MMP26: variants seen among roughly 807,000 people sequenced by gnomAD.
MMP26 encodes the protein matrix metallopeptidase 26.
A neutral mutation model predicts 31.0 loss-of-function variants in MMP26; 33 were observed. The observed-to-expected ratio is 1.06, with a 90% confidence interval of 0.81 to 1.42. The LOEUF is 1.42. Among genes scored for constraint, MMP26 ranks in the 40% most tolerant of loss-of-function variants. The pLI is 0.00. For missense variants in MMP26, 347 were observed against 316.1 expected, an observed-to-expected ratio of 1.10 and a Z score of -0.74; for synonymous variants, 122 against 114.9, an observed-to-expected ratio of 1.06 and a Z score of -0.40.
chr11:4,717,911 T>A (rs112567594), intron 1 of MMP26, among the ~76,000 whole-genome samples: 1 of 152,200 alleles, frequency 6.6e-6, no homozygotes, highest in Non-Finnish European at 1.5e-5. Context: ...TTCATAACAT[T>A]AAACTATCCA....
intron 2 of MMP26, chr11:4,822,268 C>T: frequency 6.4e-7 from 1 of 1,564,722 alleles, no homozygotes; most frequent in South Asian, 1.2e-5. Flanking sequence ...CAATGTCTTT[C>T]TGCTAATCCC....
chr11:4,710,447 C>T, intron 1 of MMP26: 1 of 456,662 alleles, frequency 2.2e-6, no homozygotes, highest in Non-Finnish European at 4.4e-6. Context: ...ATCCCATAAT[C>T]TACAGTGTAA....
At chr11:4,739,946 T>A (rs1848290385) in intron 1 of MMP26, among the ~76,000 whole-genome samples, 1 of 152,192 alleles carries the variant, frequency 6.6e-6, no homozygotes, top group Non-Finnish European at 1.5e-5. Context: ...ACAATAAGCT[T>A]GTGGGCATTA....
At chr11:4,847,245 C>T (rs936771907) in intron 2 of MMP26, among the ~76,000 whole-genome samples, 5 of 152,154 alleles carry the variant, frequency 3.3e-5, no homozygotes, top group East Asian at 1.9e-4. Flanking sequence ...AAATACAATC[C>T]GTCCACTTTG....
rs1186464561 is a variant in MMP26, at chr11:4,888,311, CT to C, written c.-144-99754del. On this transcript the variant is annotated intron_variant, in intron 2 of 7. Transcript: ENST00000380390. ...GAAAAAATTTGAGGTAACCAAACATCTTTAGTTGGCTATTTTCTTTTAAAAA... is the reference window on the plus strand; with the variant it reads ...GAAAAAATTTGAGGTAACCAAACATCTTAGTTGGCTATTTTCTTTTAAAAA... 1.4e-4 allele frequency among the ~76,000 whole-genome samples: 22 copies of C among 152,058 alleles called. 1 individual carries two copies. The highest frequency in any genetic ancestry group is 5.1e-4 in the African/African-American group (21 of 41,512).
intron 1 of MMP26, among the ~76,000 whole-genome samples, chr11:4,744,693 T>C (rs1254538294): frequency 6.6e-6 from 1 of 152,224 alleles, no homozygotes; most frequent in Non-Finnish European, 1.5e-5. Flanking sequence ...TTTGGAGTCA[T>C]TCTGCATGCC....
chr11:4,764,341 A>G (rs969961447), intron 1 of MMP26, among the ~76,000 whole-genome samples: 3 of 152,164 alleles, frequency 2.0e-5, no homozygotes, highest in Admixed American at 2.0e-4. Context: ...ACTTTGTTGG[A>G]TAAAGAGAGG....
At chr11:4,981,003 C>T (rs1180558392) in intron 2 of MMP26, among the ~76,000 whole-genome samples, 3 of 151,792 alleles carry the variant, frequency 2.0e-5, no homozygotes, top group Non-Finnish European at 2.9e-5. Context: ...TTATCTAAAA[C>T]TGCAAATCAA....
intron 1 of MMP26, among the ~76,000 whole-genome samples, chr11:4,743,480 A>G (rs73390878): frequency 0.057 from 8,728 of 152,234 alleles, 832 homozygotes; most frequent in African/African-American, 0.2. Context: ...AGACACTGCT[A>G]ACATATGTAA....
At chr11:4,723,971 C>T in intron 1 of MMP26, 1 of 751,454 alleles carries the variant, frequency 1.3e-6, no homozygotes, top group Non-Finnish European at 2.4e-6. Flanking sequence ...TTCTGGTTGA[C>T]TGTGTCAGTG....
chr11:4,887,399 C>G (rs975181937), intron 2 of MMP26, among the ~76,000 whole-genome samples: 4 of 152,070 alleles, frequency 2.6e-5, no homozygotes, highest in African/African-American at 9.7e-5. Context: ...CTCTTCTGAT[C>G]CAGAAACATT....
intron 2 of MMP26, among the ~76,000 whole-genome samples, chr11:4,827,242 G>A (rs1849589120): frequency 6.6e-6 from 1 of 152,068 alleles, no homozygotes; most frequent in African/African-American, 2.4e-5. Flanking sequence ...GAGCTTGTAG[G>A]TTCACAGAAA....
chr11:4,965,502 TC>T (rs1846580659), intron 2 of MMP26, among the ~76,000 whole-genome samples: 1 of 152,196 alleles, frequency 6.6e-6, no homozygotes, highest in Non-Finnish European at 1.5e-5. Context: ...CTTTTTCCTT[TC>T]CTTACATAGA....
At chr11:4,807,597 T>C (rs1329814533) in intron 2 of MMP26, among the ~76,000 whole-genome samples, 1 of 84,202 alleles carries the variant, frequency 1.2e-5, no homozygotes, top group Non-Finnish European at 2.1e-5. Context: ...GTGGGGAACA[T>C]CACACACTGG....
rs569651719 is a variant in MMP26 at position 4,777,810 on chromosome 11, T to A, written c.-145+10469T>A. 3.3e-5 allele frequency among the ~76,000 whole-genome samples: 5 copies of A among 152,228 alleles called. No homozygotes were observed. In the South Asian group the frequency reaches 1.0e-3, roughly 31 times the overall value. ...TATTGCCTTGTAATGTTCCAGCGTA[T>A]GACTATACCTCACCTTAATTAACTT... On this transcript the variant is annotated intron_variant, in intron 2 of 7. Transcript: ENST00000380390.
intron 2 of MMP26, among the ~76,000 whole-genome samples, chr11:4,837,242 C>T (rs1849731534): frequency 6.6e-6 from 1 of 152,110 alleles, no homozygotes; most frequent in Admixed American, 6.6e-5. Context: ...AGGTCTTGTT[C>T]TGTTGTCCAT....
At chr11:4,939,732 T>G (rs1320836318) in intron 2 of MMP26, among the ~76,000 whole-genome samples, 1 of 152,150 alleles carries the variant, frequency 6.6e-6, no homozygotes, top group Non-Finnish European at 1.5e-5. Flanking sequence ...TCACAACCTC[T>G]CAATGTGCCC....
chr11:4,965,498 C>G (rs945684694), intron 2 of MMP26, among the ~76,000 whole-genome samples: 2 of 152,078 alleles, frequency 1.3e-5, no homozygotes, highest in Admixed American at 1.3e-4. Flanking sequence ...TTAACTTTTT[C>G]CTTTCCTTAC....
intron 1 of MMP26, among the ~76,000 whole-genome samples, chr11:4,738,313 G>A (rs1848268702): frequency 6.6e-6 from 1 of 152,114 alleles, no homozygotes; most frequent in Admixed American, 6.5e-5. Context: ...TGCAGATGTG[G>A]GCATTAGAGG....
Sources: allele counts gnomAD v4.1 joint callset (sites outside exome capture counted in the v4.1 genomes callset), GRCh38; gene constraint gnomAD v4.1.1; transcripts MANE v1.5; gene names NCBI Gene and HGNC (gene_info 2026-07-23, HGNC 2026-07-21).